The following CENPP variants were observed in gnomAD, a reference collection of about 807,000 sequenced individuals.
CENPP encodes the protein centromere protein P.
In CENPP, 24 loss-of-function variants were observed where a neutral mutation model predicts 35.6. The ratio of observed to expected loss-of-function variants is 0.67; its 90% CI spans 0.49 to 0.95. CENPP has a LOEUF of 0.95. CENPP is among the 40% of genes least tolerant of loss of function. The pLI, the probability that CENPP is intolerant of heterozygous loss-of-function variation, is 0.00. For synonymous variants in CENPP, 120 were observed against 125.5 expected, an observed-to-expected ratio of 0.96 and a Z score of 0.29; for missense variants, 332 against 345.3, an observed-to-expected ratio of 0.96 and a Z score of 0.31.
At chr9:92,426,085 A>G (rs1271172900) in intron 5 of CENPP, among the ~76,000 whole-genome samples, 2 of 152,128 alleles carry the variant, frequency 1.3e-5, no homozygotes, top group Admixed American at 6.5e-5. Context: ...GAAAATTTAA[A>G]CTGATTGGCA....
chr9:92,367,084 C>T (rs1841905535), intron 4 of CENPP, among the ~76,000 whole-genome samples: 1 of 152,186 alleles, frequency 6.6e-6, no homozygotes, highest in African/African-American at 2.4e-5. Context: ...ATATCAGATT[C>T]TAAAATCAAA....
intron 5 of CENPP, among the ~76,000 whole-genome samples, chr9:92,463,718 A>G (rs1469501538): frequency 1.3e-5 from 2 of 152,070 alleles, no homozygotes; most frequent in African/African-American, 4.8e-5. Flanking sequence ...TAGCATTTGC[A>G]TTTTTTGTTG....
At chr9:92,609,401 C>A (rs1488046445) in intron 5 of CENPP, among the ~76,000 whole-genome samples, 1 of 152,234 alleles carries the variant, frequency 6.6e-6, no homozygotes, top group African/African-American at 2.4e-5. Context: ...AGCAGGAAGG[C>A]CCTGTCACTG....
At chr9:92,559,247 GTCAGGC>G (rs1849796054) in intron 5 of CENPP, among the ~76,000 whole-genome samples, 1 of 152,206 alleles carries the variant, frequency 6.6e-6, no homozygotes, top group African/African-American at 2.4e-5. Context: ...TCCCTGTGGT[GTCAGGC>G]AGGAATGGGC....
chr9:92,335,360 T>C (rs1251772104), intron 2 of CENPP, among the ~76,000 whole-genome samples: 1 of 152,190 alleles, frequency 6.6e-6, no homozygotes, highest in Non-Finnish European at 1.5e-5. Context: ...CTGTCTGATT[T>C]CTTATATGCA....
intron 5 of CENPP, among the ~76,000 whole-genome samples, chr9:92,422,207 C>T (rs988772038): frequency 5.9e-5 from 9 of 151,972 alleles, no homozygotes; most frequent in African/African-American, 2.2e-4. Context: ...TGCACCACCA[C>T]GACTGGCTAC....
intron 5 of CENPP, among the ~76,000 whole-genome samples, chr9:92,574,412 T>C (rs1023631197): frequency 1.8e-4 from 27 of 151,894 alleles, no homozygotes; most frequent in Non-Finnish European, 4.4e-5. Context: ...ATAACAAAAA[T>C]GGGTTGGATT....
At chr9:92,556,375 G>T (rs962410562) in intron 5 of CENPP, among the ~76,000 whole-genome samples, 4 of 152,146 alleles carry the variant, frequency 2.6e-5, no homozygotes, top group Non-Finnish European at 5.9e-5. Flanking sequence ...GTTGTTGGGT[G>T]AAATGTTCTG....
At chr9:92,532,034 A>ATTTTTTTTTTTTTTTTTTTTTTTTT (rs58499748) in intron 5 of CENPP, among the ~76,000 whole-genome samples, 11 of 98,224 alleles carry the variant, frequency 1.1e-4, no homozygotes, top group Admixed American at 2.9e-4. Context: ...TTTTTATTTT[A>ATTTTTTTTTTTTTTTTTTTTTTTTT]TTTTTTTTTT....
intron 5 of CENPP, among the ~76,000 whole-genome samples, chr9:92,525,893 C>CAAAAAAAAAAAAAAAA (rs71362395): frequency 2.3e-5 from 1 of 43,908 alleles, no homozygotes. Flanking sequence ...ACTCTATCTC[C>CAAAAAAAAAAAAAAAA]AAAAAAAAAA....
intron 5 of CENPP, among the ~76,000 whole-genome samples, chr9:92,551,964 G>GATATATATA (rs1317223975): frequency 5.7e-5 from 6 of 105,558 alleles, no homozygotes; most frequent in South Asian, 2.5e-4. Flanking sequence ...ATATATATAT[G>GATATATATA]TGTGATATAT....
intron 5 of CENPP, among the ~76,000 whole-genome samples, chr9:92,433,091 A>G (rs1483291740): frequency 6.6e-6 from 1 of 152,182 alleles, no homozygotes; most frequent in Non-Finnish European, 1.5e-5. Context: ...ATAACAGAAT[A>G]CCACGCAATG....
intron 5 of CENPP, among the ~76,000 whole-genome samples, chr9:92,562,449 AC>A (rs756595909): frequency 6.6e-6 from 1 of 151,814 alleles, no homozygotes; most frequent in Admixed American, 6.6e-5. Context: ...CAGGTGATCC[AC>A]CTGCCTCGGC....
chr9:92,496,547 G>T, intron 5 of CENPP: 1 of 1,549,496 alleles, frequency 6.5e-7, no homozygotes, highest in Non-Finnish European at 8.6e-7. Flanking sequence ...TAGGAGTTAA[G>T]TTTAACATTT....
At chr9:92,393,016 G>T in intron 5 of CENPP, 1 of 1,269,638 alleles carries the variant, frequency 7.9e-7, no homozygotes. Context: ...CAACTATATA[G>T]AAACTTGTGT....
intron 5 of CENPP, among the ~76,000 whole-genome samples, chr9:92,386,534 C>T (rs1263979838): frequency 1.3e-5 from 2 of 152,142 alleles, no homozygotes; most frequent in Non-Finnish European, 2.9e-5. Flanking sequence ...CCGCATACCC[C>T]ACACTTCTGT....
chr9:92,379,928 C>T, intron 5 of CENPP, 69 bp downstream of exon 5: 4 of 945,836 alleles, frequency 4.2e-6, no homozygotes, highest in East Asian at 2.4e-5. Context: ...AGAATTCATC[C>T]CTAACATCCT....
In CENPP at chr9:92,326,019, G is replaced by A. The variant is rs1347852812; in HGVS notation, c.21G>A (p.Glu7=). ...GCGCCATGGACGCAGAGCTGGCAGA[G>A]GTGCGCGCCTTGCAAGCTGAGATCG... MDAELA[E]VRALQAEIAA... is the part of the protein sequence containing the mutation. The change falls in exon 1 of 8, where the codon GAG becomes GAA. Residue 7 remains glutamate (E), a synonymous_variant. Coordinates refer to ENST00000375587, the MANE Select transcript of CENPP (RefSeq NM_001012267.3). The A allele has an allele frequency of 3.9e-6, 6 of 1,554,654 alleles. No individual in the cohort carries two copies. Among genetic ancestry groups the A allele is most frequent in the Non-Finnish European group, 4.3e-6 (5 of 1,149,664 alleles).
At chr9:92,505,737 T>G in intron 5 of CENPP, 1 of 1,447,706 alleles carries the variant, frequency 6.9e-7, no homozygotes, top group Non-Finnish European at 9.3e-7. Context: ...TGAAAAACCA[T>G]GCAAATTTTT....
Sources: allele counts gnomAD v4.1 joint callset (sites outside exome capture counted in the v4.1 genomes callset), GRCh38; gene constraint gnomAD v4.1.1; transcripts MANE v1.5; gene names NCBI Gene and HGNC (gene_info 2026-07-23, HGNC 2026-07-21).